The following SH3RF1 variants were observed in gnomAD, a reference collection of about 807,000 sequenced individuals.
SH3RF1 encodes the protein E3 ubiquitin-protein ligase SH3RF1.
A neutral mutation model predicts 74.0 loss-of-function variants in SH3RF1; 32 were observed. The ratio of observed to expected loss-of-function variants is 0.43; its 90% confidence interval spans 0.33 to 0.58. SH3RF1 has a LOEUF of 0.58. Among genes scored for constraint, SH3RF1 ranks in the 20% least tolerant of loss-of-function variants. The probability of loss-of-function intolerance (pLI) is 0.05; values close to 1 mark genes in which losing one functional copy is unlikely to be tolerated. For synonymous variants in SH3RF1, 396 were observed against 439.6 expected, an observed-to-expected ratio of 0.90 and a Z score of 1.24; for missense variants, 954 against 1,130.9, an observed-to-expected ratio of 0.84 and a Z score of 2.24.
intron 2 of SH3RF1, among the ~76,000 whole-genome samples, chr4:169,246,453 T>A (rs936548107): frequency 6.6e-6 from 1 of 152,240 alleles, no homozygotes; most frequent in Non-Finnish European, 1.5e-5. Flanking sequence ...CACTTTGTTC[T>A]GCTCCACAGA....
intron 4 of SH3RF1, among the ~76,000 whole-genome samples, chr4:169,144,663 G>C (rs879765927): frequency 2.6e-5 from 4 of 152,154 alleles, no homozygotes; most frequent in Non-Finnish European, 5.9e-5. Context: ...AGGCCAGATA[G>C]AGACCAACAG....
chr4:169,177,377 G>A (rs1489849037), intron 2 of SH3RF1, among the ~76,000 whole-genome samples: 1 of 152,014 alleles, frequency 6.6e-6, no homozygotes, highest in Non-Finnish European at 1.5e-5. Flanking sequence ...TGTACCAAAG[G>A]GGACATTTTT....
intron 2 of SH3RF1, among the ~76,000 whole-genome samples, chr4:169,252,214 G>T (rs1269469130): frequency 6.6e-6 from 1 of 152,198 alleles, no homozygotes; most frequent in Non-Finnish European, 1.5e-5. Context: ...TGATATCAAT[G>T]CAAAACAAGT....
chr4:169,176,453 A>G (rs1013885501), intron 2 of SH3RF1, among the ~76,000 whole-genome samples: 1 of 152,236 alleles, frequency 6.6e-6, no homozygotes, highest in Non-Finnish European at 1.5e-5. Flanking sequence ...TTCATGGGTG[A>G]TCAATTTTAA....
chr4:169,096,749 C>A, intron 11 of SH3RF1, 62 bp from the exon 12 acceptor site: 1 of 1,486,102 alleles, frequency 6.7e-7, no homozygotes, highest in Non-Finnish European at 9.2e-7. Flanking sequence ...AAATGGTGTA[C>A]TGTTAGTCTG....
chr4:169,180,339 G>A (rs1240143642), intron 2 of SH3RF1, among the ~76,000 whole-genome samples: 5 of 152,148 alleles, frequency 3.3e-5, no homozygotes, highest in Non-Finnish European at 5.9e-5. Flanking sequence ...TCCAAGTCCC[G>A]CTTGTATAAA....
At chr4:169,150,398 A>C (rs1366758642) in intron 4 of SH3RF1, among the ~76,000 whole-genome samples, 1 of 152,174 alleles carries the variant, frequency 6.6e-6, no homozygotes, top group Non-Finnish European at 1.5e-5. Flanking sequence ...ATCATGTATA[A>C]GATGATGTTT....
chr4:169,180,419 T>A (rs534527711), intron 2 of SH3RF1, among the ~76,000 whole-genome samples: 1 of 152,322 alleles, frequency 6.6e-6, no homozygotes, highest in East Asian at 1.9e-4. Context: ...ACACTGTAGC[T>A]TAACACACTG....
intron 2 of SH3RF1, among the ~76,000 whole-genome samples, chr4:169,250,696 G>C (rs749027506): frequency 2.0e-5 from 3 of 152,162 alleles, no homozygotes; most frequent in Non-Finnish European, 4.4e-5. Context: ...GTGGGGATGG[G>C]GGTAGGAGGG....
In SH3RF1 at chr4:169,120,596, C is replaced by T. The variant is rs113608345; in HGVS notation, c.1517+223G>A. On this transcript the variant is annotated intron_variant, in intron 8 of 11. Transcript: ENST00000284637. ...AAAGCAAATAACTTAAAACCCAGTA[C>T]ATTTACTGGTAGAAACCTATAATTT... is the stretch of plus-strand genomic sequence containing the variant. 1.2e-4 allele frequency among the ~76,000 whole-genome samples: 18 copies of T among 152,260 alleles called. No individual in the cohort carries two copies. The East Asian group carries it at 2.1e-3, about 18-fold the overall frequency.
chr4:169,154,430 A>G (rs1734020285), intron 4 of SH3RF1, among the ~76,000 whole-genome samples: 1 of 152,198 alleles, frequency 6.6e-6, no homozygotes, highest in African/African-American at 2.4e-5. Flanking sequence ...TGCCAAAACA[A>G]ATGCCTCAGA....
Position 169,225,387 on chromosome 4 carries a change from C to A in SH3RF1, c.393+43433G>T, listed in dbSNP as rs376070765. The stretch of plus-strand genomic sequence containing the variant: ...TTGGGAGTTATCAGCAAGATGGTGA[C>A]CCCTAAAGTCACGAGACGGAAAGAG... On this transcript the variant is annotated intron_variant, in intron 2 of 11. Coordinates refer to ENST00000284637, the MANE Select transcript of SH3RF1 (RefSeq NM_020870.4). Among the ~76,000 whole-genome samples the A allele has an allele frequency of 2.5e-3, 376 of 152,188 alleles. 2 individuals are homozygous for A. The highest frequency in any genetic ancestry group is 8.6e-3 in the African/African-American group (356 of 41,508).
intron 2 of SH3RF1, among the ~76,000 whole-genome samples, chr4:169,212,614 T>G (rs1383414454): frequency 5.3e-5 from 8 of 152,194 alleles, no homozygotes. Flanking sequence ...CATATACTCC[T>G]AAACACAGAC....
chr4:169,179,450 G>T (rs1734473483), intron 2 of SH3RF1, among the ~76,000 whole-genome samples: 1 of 152,158 alleles, frequency 6.6e-6, no homozygotes, highest in Non-Finnish European at 1.5e-5. Context: ...GTTGTAATCT[G>T]TTACAGCAGC....
At position 169,095,589 on chromosome 4, in the gene SH3RF1, T is replaced by C. The variant is rs1464906834; in HGVS notation, c.*930A>G. The C allele has an allele frequency of 1.3e-5, 2 of 152,662 alleles. No homozygotes were observed. The highest frequency in any genetic ancestry group is 4.8e-5 in the African/African-American group (2 of 41,458). 9.5% of individuals were successfully genotyped at this position (152,662 alleles called of 1,614,324 possible). ...ACCACTATCTCACAAATGTTTTACT[T>C]GTGTCCTGGGCATGCAGGTCAGTTG... On this transcript the variant is annotated 3_prime_UTR_variant, in exon 12 of 12. Transcript: ENST00000284637.
intron 2 of SH3RF1, among the ~76,000 whole-genome samples, chr4:169,186,063 G>A (rs1033614916): frequency 6.6e-6 from 1 of 152,126 alleles, no homozygotes; most frequent in Admixed American, 6.5e-5. Flanking sequence ...CATTTTATTT[G>A]ACTAGTAAGG....
chr4:169,236,522 G>A (rs1730826471), intron 2 of SH3RF1, among the ~76,000 whole-genome samples: 1 of 152,178 alleles, frequency 6.6e-6, no homozygotes, highest in African/African-American at 2.4e-5. Flanking sequence ...ATTAGTTGGT[G>A]TGACCTTAAA....
At chr4:169,163,402 A>T (rs1167245937) in intron 2 of SH3RF1, among the ~76,000 whole-genome samples, 4 of 152,194 alleles carry the variant, frequency 2.6e-5, no homozygotes, top group Admixed American at 2.0e-4. Flanking sequence ...GGAGAACCTG[A>T]GGCAGCACTC....
intron 2 of SH3RF1, chr4:169,217,519 C>T (rs1026399665): frequency 6.6e-6 from 1 of 152,098 alleles, no homozygotes; most frequent in African/African-American, 2.4e-5. Flanking sequence ...GTCTGGAACT[C>T]GGGTAACTGA....
Sources: allele counts gnomAD v4.1 joint callset (sites outside exome capture counted in the v4.1 genomes callset), GRCh38; gene constraint gnomAD v4.1.1; transcripts MANE v1.5; gene names NCBI Gene and HGNC (gene_info 2026-07-23, HGNC 2026-07-21).